The following CLEC16A variants were observed in gnomAD, a reference collection of about 807,000 sequenced individuals.
The protein encoded by CLEC16A is protein CLEC16A.
Under a neutral mutation model 109.5 loss-of-function variants are expected in CLEC16A, and 51 were observed. The ratio of observed to expected loss-of-function variants is 0.47; its 90% CI spans 0.37 to 0.59. CLEC16A has a LOEUF of 0.59. Among genes scored for constraint, CLEC16A ranks in the 20% least tolerant of loss-of-function variants. The pLI, the probability that CLEC16A is intolerant of heterozygous loss-of-function variation, is 0.00. For missense variants in CLEC16A, 1,339 were observed against 1,394.0 expected, an observed-to-expected ratio of 0.96 and a Z score of 0.63; for synonymous variants, 673 against 564.2, an observed-to-expected ratio of 1.19 and a Z score of -2.73.
At chr16:11,063,009 TAGGAATGGCCTGCTGGAATAA>T (rs2048569569) in intron 19 of CLEC16A, among the ~76,000 whole-genome samples, 1 of 152,174 alleles carries the variant, frequency 6.6e-6, no homozygotes, top group South Asian at 2.1e-4. Context: ...CTCCTCCCCC[TAGGAATGGCCTGCTGGAATAA>T]AGGTTCAAAG....
intron 19 of CLEC16A, among the ~76,000 whole-genome samples, chr16:11,092,952 A>G (rs1239179503): frequency 6.6e-6 from 1 of 152,240 alleles, no homozygotes; most frequent in Non-Finnish European, 1.5e-5. Flanking sequence ...GAGACAGGCC[A>G]GGAGGCAGGA....
rs548919098 is a variant in CLEC16A at position 11,116,459 on chromosome 16, T to TG, written c.2117-4151dup. ...GCCTATCTGGAGCTGGGATTTGCTG[T>TG]GGGGGTACCTGGCTGACTTCGGGGG... is the stretch of plus-strand genomic sequence containing the variant. On this transcript the variant is annotated intron_variant, in intron 19 of 23. Coordinates refer to ENST00000409790, the MANE Select transcript of CLEC16A (RefSeq NM_015226.3). Among the ~76,000 whole-genome samples the TG allele has an allele frequency of 5.9e-5, 9 of 151,812 alleles. No individual in the cohort carries two copies. In the East Asian group the frequency reaches 1.7e-3, roughly 29 times the overall value.
At chr16:11,035,955 C>T (rs1455603768) in intron 13 of CLEC16A, 1 of 152,286 alleles carries the variant, frequency 6.6e-6, no homozygotes, top group Non-Finnish European at 1.5e-5. Context: ...CCAGAAGGAG[C>T]TTTGGGGAAA....
chr16:11,047,600 G>A (rs1263301745), intron 17 of CLEC16A: 2 of 311,730 alleles, frequency 6.4e-6, no homozygotes, highest in Admixed American at 5.0e-5. Context: ...TTTGGGGACA[G>A]TATCATTTTA....
At chr16:11,007,161 C>G (rs116482685) in intron 11 of CLEC16A, among the ~76,000 whole-genome samples, 1 of 152,060 alleles carries the variant, frequency 6.6e-6, no homozygotes. Context: ...GTTTTTTTGC[C>G]TATGGAAAAA....
intron 19 of CLEC16A, among the ~76,000 whole-genome samples, chr16:11,084,114 C>T (rs1444048850): frequency 2.6e-5 from 4 of 152,040 alleles, no homozygotes; most frequent in Non-Finnish European, 4.4e-5. Flanking sequence ...TTTTAGTCCC[C>T]TGCTTGCTGA....
At chr16:11,145,556 C>A (rs1460128530) in intron 22 of CLEC16A, among the ~76,000 whole-genome samples, 1 of 152,260 alleles carries the variant, frequency 6.6e-6, no homozygotes, top group Non-Finnish European at 1.5e-5. Context: ...GAGAGTCAGG[C>A]TTTTAGGGCC....
At chr16:11,093,080 C>G (rs77380105) in intron 19 of CLEC16A, among the ~76,000 whole-genome samples, 1 of 152,178 alleles carries the variant, frequency 6.6e-6, no homozygotes, top group Non-Finnish European at 1.5e-5. Flanking sequence ...TCCTGTACCC[C>G]CCACCACCTC....
intron 12 of CLEC16A, among the ~76,000 whole-genome samples, chr16:11,021,554 T>G (rs1183739749): frequency 6.6e-6 from 1 of 152,158 alleles, no homozygotes; most frequent in East Asian, 1.9e-4. Context: ...TCCTAGCGCT[T>G]TGGGAGGCCA....
intron 21 of CLEC16A, among the ~76,000 whole-genome samples, chr16:11,124,848 A>G (rs567577984): frequency 1.3e-3 from 194 of 152,304 alleles, no homozygotes; most frequent in Middle Eastern, 3.4e-3. Flanking sequence ...GCACTTCGGG[A>G]GGCCAAGGCG....
Position 10,979,311 on chromosome 16 carries a change from C to T in CLEC16A, c.904-18C>T. On this transcript the variant is annotated intron_variant, in intron 8 of 23. Transcript: ENST00000409790. ...TGTGACCTGATCTCTCTCTCTCTCT[C>T]CTGCCACCCTGCACTAGGGAGGAGA... is the stretch of plus-strand genomic sequence containing the variant. The T allele has an allele frequency of 6.2e-7, 1 of 1,608,352 alleles. No homozygotes were observed. Among genetic ancestry groups the T allele is most frequent in the South Asian group, 1.1e-5 (1 of 90,234 alleles).
At chr16:11,013,019 C>G (rs1001658710) in intron 11 of CLEC16A, among the ~76,000 whole-genome samples, 13 of 152,132 alleles carry the variant, frequency 8.5e-5, no homozygotes, top group Non-Finnish European at 1.5e-4. Context: ...CTCACACGCC[C>G]CCACACTCAC....
intron 9 of CLEC16A, 45 bp downstream of exon 9, chr16:10,979,427 C>T: frequency 6.4e-7 from 1 of 1,556,082 alleles, no homozygotes; most frequent in South Asian, 1.1e-5. Flanking sequence ...TTTGGGGTCC[C>T]TTGGCGTGCC....
At chr16:10,982,837 G>GCA (rs771658547) in intron 9 of CLEC16A, 41 bp from the exon 10 acceptor site, 6 of 1,184,938 alleles carry the variant, frequency 5.1e-6, no homozygotes, top group Non-Finnish European at 7.5e-6. Context: ...TGAAAATACC[G>GCA]CACACTTTCA....
intron 10 of CLEC16A, among the ~76,000 whole-genome samples, chr16:10,984,305 C>G (rs925786874): frequency 5.3e-5 from 8 of 152,182 alleles, no homozygotes; most frequent in African/African-American, 1.7e-4. Flanking sequence ...AAAAGCTTCC[C>G]AGAAACTCTG....
At position 11,036,839 on chromosome 16, in the gene CLEC16A, G is replaced by A. The variant is rs142436799; in HGVS notation, c.1538-2915G>A. Among the ~76,000 whole-genome samples the A allele has an allele frequency of 6.7e-3, 1,018 of 152,256 alleles. 18 individuals are homozygous for A. Among genetic ancestry groups the A allele is most frequent in the African/African-American group, 0.023 (967 of 41,536 alleles). ...GCTGGTATTAAAAACATGAGCCACC[G>A]TGCCCGGCCTAACTTTCCTTTTATA... is the stretch of plus-strand genomic sequence containing the variant. On this transcript the variant is annotated intron_variant, in intron 13 of 23. Transcript: ENST00000409790.
At position 10,969,297 on chromosome 16, in the gene CLEC16A, C is replaced by T; in HGVS notation, c.480C>T (p.Phe160=). The change falls in exon 4 of 24, where the codon TTC becomes TTT. Residue 160 remains phenylalanine, a synonymous_variant. Transcript: ENST00000409790. ...SLKLNNHTVH[F]FYNEHTNDFA... ...AACTCAACAACCACACTGTCCATTTCTTTTATAATGAGGTAAGTAATTGCC... is the reference window on the plus strand; with the variant it reads ...AACTCAACAACCACACTGTCCATTTTTTTTATAATGAGGTAAGTAATTGCC... 1 of 1,604,124 alleles carries T rather than the reference C, an allele frequency of 6.2e-7. No homozygotes were observed. Among genetic ancestry groups the T allele is most frequent in the East Asian group, 2.3e-5 (1 of 44,354 alleles).
chr16:11,102,057 C>T (rs1454778021), intron 19 of CLEC16A, among the ~76,000 whole-genome samples: 1 of 151,360 alleles, frequency 6.6e-6, no homozygotes, highest in Non-Finnish European at 1.5e-5. Flanking sequence ...GAGCAATCTG[C>T]CTACCTCAGC....
chr16:11,015,295 G>A lies in CLEC16A; in HGVS notation c.1304-4898G>A, dbSNP rs78515499. Among the ~76,000 whole-genome samples, 758 of 151,998 alleles carry A rather than the reference G, an allele frequency of 5.0e-3. 7 individuals are homozygous for A. Among genetic ancestry groups the A allele is most frequent in the African/African-American group, 0.017 (723 of 41,422 alleles). Reference sequence around the variant, plus strand: ...TCCCATTTTGTGTGGAGAGGCCCATGTGGGTCTGGTTCTGCGTCAAGATGT... The same window carrying A: ...TCCCATTTTGTGTGGAGAGGCCCATATGGGTCTGGTTCTGCGTCAAGATGT... On this transcript the variant is annotated intron_variant, in intron 11 of 23. Transcript: ENST00000409790.
Sources: allele counts gnomAD v4.1 joint callset (sites outside exome capture counted in the v4.1 genomes callset), GRCh38; gene constraint gnomAD v4.1.1; transcripts MANE v1.5; gene names NCBI Gene and HGNC (gene_info 2026-07-23, HGNC 2026-07-21).